The following FHIT variants were observed in gnomAD, a reference collection of about 807,000 sequenced individuals.
FHIT encodes the protein fragile histidine triad diadenosine triphosphatase.
A neutral mutation model predicts 17.9 loss-of-function variants in FHIT; 19 were observed. The ratio of observed to expected loss-of-function variants is 1.06; its 90% confidence interval spans 0.74 to 1.56. The LOEUF (loss-of-function observed/expected upper bound fraction) is 1.56, where lower values mean the gene tolerates loss of function less well. FHIT is among the 40% of genes most tolerant of loss of function. The pLI is 0.00. For synonymous variants in FHIT, 81 were observed against 69.7 expected (o/e 1.16, Z -0.81); for missense variants, 248 against 189.2 (o/e 1.31, Z -1.82).
intron 5 of FHIT, among the ~76,000 whole-genome samples, chr3:60,045,641 TCTCCCTAC>T (rs1448229903): frequency 2.6e-5 from 4 of 152,250 alleles, no homozygotes; most frequent in African/African-American, 9.6e-5. Context: ...CCCTTCCCTC[TCTCCCTAC>T]CTCCCTACCT....
chr3:61,113,233 C>T (rs1651340829), intron 2 of FHIT, among the ~76,000 whole-genome samples: 1 of 151,944 alleles, frequency 6.6e-6, no homozygotes, highest in Non-Finnish European at 1.5e-5. Flanking sequence ...TGCTCTCAAA[C>T]TCCTGGGCTC....
At chr3:60,569,714 A>G (rs556094450) in intron 4 of FHIT, among the ~76,000 whole-genome samples, 1 of 89,628 alleles carries the variant, frequency 1.1e-5, no homozygotes, top group East Asian at 3.6e-4. Context: ...AGAGATATTT[A>G]TTTATTAATA....
intron 3 of FHIT, among the ~76,000 whole-genome samples, chr3:60,867,221 C>A (rs1704204527): frequency 6.6e-6 from 1 of 151,576 alleles, no homozygotes. Context: ...CAGGTTTACC[C>A]ATAAACTACA....
chr3:60,087,517 C>A (rs1703546823), intron 5 of FHIT, among the ~76,000 whole-genome samples: 1 of 152,160 alleles, frequency 6.6e-6, no homozygotes. Context: ...TAGATCTTTC[C>A]TTTGCTGCTT....
chr3:60,363,995 G>A (rs918572371), intron 5 of FHIT, among the ~76,000 whole-genome samples: 1 of 152,088 alleles, frequency 6.6e-6, no homozygotes, highest in Admixed American at 6.6e-5. Context: ...GGTGGTCACA[G>A]CTCTGCCGTT....
intron 3 of FHIT, among the ~76,000 whole-genome samples, chr3:60,927,447 C>T (rs1362830797): frequency 2.6e-5 from 4 of 152,052 alleles, no homozygotes; most frequent in African/African-American, 9.7e-5. Flanking sequence ...AGCCGCCAAT[C>T]ATCTGGGATG....
chr3:60,525,794 G>C (rs908133517), intron 5 of FHIT, among the ~76,000 whole-genome samples: 1 of 152,150 alleles, frequency 6.6e-6, no homozygotes, highest in Non-Finnish European at 1.5e-5. Context: ...GTGGTCTTAG[G>C]TATCAGGTTG....
chr3:60,037,465 C>T (rs1454707122), intron 5 of FHIT, among the ~76,000 whole-genome samples: 1 of 151,020 alleles, frequency 6.6e-6, no homozygotes. Flanking sequence ...TCACTGCAAC[C>T]TCCGCCTCCC....
At chr3:60,179,741 C>T (rs1465544861) in intron 5 of FHIT, among the ~76,000 whole-genome samples, 2 of 152,046 alleles carry the variant, frequency 1.3e-5, no homozygotes, top group Admixed American at 6.5e-5. Flanking sequence ...TGAAAACAGG[C>T]ATCTGGCCCC....
chr3:61,174,550 T>C (rs1038495848), intron 2 of FHIT, among the ~76,000 whole-genome samples: 3 of 152,246 alleles, frequency 2.0e-5, no homozygotes, highest in African/African-American at 7.2e-5. Context: ...ATTCCATCTT[T>C]ATGGCCCAAC....
intron 4 of FHIT, among the ~76,000 whole-genome samples, chr3:60,673,733 T>C (rs2040561388): frequency 6.6e-6 from 1 of 152,192 alleles, no homozygotes. Context: ...CATTCTATTG[T>C]CTTCTGGCTT....
At chr3:60,223,022 C>G (rs990481881) in intron 5 of FHIT, among the ~76,000 whole-genome samples, 3 of 152,202 alleles carry the variant, frequency 2.0e-5, no homozygotes, top group African/African-American at 4.8e-5. Context: ...TACTCCTTGA[C>G]TATTAAAACA....
chr3:60,517,283 T>C (rs2035194847), intron 5 of FHIT, among the ~76,000 whole-genome samples: 1 of 152,232 alleles, frequency 6.6e-6, no homozygotes, highest in Non-Finnish European at 1.5e-5. Context: ...TTGTTGTAGA[T>C]ATCTTTCTTA....
At chr3:61,236,062 T>C (rs1020662524) in intron 1 of FHIT, among the ~76,000 whole-genome samples, 22 of 151,658 alleles carry the variant, frequency 1.5e-4, no homozygotes, top group African/African-American at 4.8e-4. Flanking sequence ...ACTATCCCCA[T>C]TTTTAGATGA....
At chr3:60,119,192 G>C (rs946175110) in intron 5 of FHIT, among the ~76,000 whole-genome samples, 1 of 151,652 alleles carries the variant, frequency 6.6e-6, no homozygotes, top group African/African-American at 2.4e-5. Context: ...TCCTGCCTCA[G>C]CCTCTCAAGT....
chr3:61,058,547 A>C (rs1413932496), intron 2 of FHIT, among the ~76,000 whole-genome samples: 1 of 152,120 alleles, frequency 6.6e-6, no homozygotes, highest in African/African-American at 2.4e-5. Flanking sequence ...CGCAATAATG[A>C]GTGAGATCTG....
chr3:60,359,559 G>A (rs897165584), intron 5 of FHIT, among the ~76,000 whole-genome samples: 7 of 152,258 alleles, frequency 4.6e-5, no homozygotes, highest in Non-Finnish European at 1.0e-4. Flanking sequence ...GATTACAGGC[G>A]TGAGCCACTG....
chr3:60,569,752 T>TAC (rs1559547767), intron 4 of FHIT, among the ~76,000 whole-genome samples: 819 of 77,980 alleles, frequency 0.011, 10 homozygotes, highest in Non-Finnish European at 0.012. Context: ...TATATATATA[T>TAC]ATATTTTTTT....
chr3:61,039,656 G>A (rs183180314), intron 3 of FHIT, among the ~76,000 whole-genome samples: 3 of 152,156 alleles, frequency 2.0e-5, no homozygotes, highest in East Asian at 1.9e-4. Context: ...TGAACAATGA[G>A]AACACATGGA....
Sources: allele counts gnomAD v4.1 joint callset (sites outside exome capture counted in the v4.1 genomes callset), GRCh38; gene constraint gnomAD v4.1.1; transcripts MANE v1.5; gene names NCBI Gene and HGNC (gene_info 2026-07-23, HGNC 2026-07-21).